Variants in FBXW7 observed in about 807,000 individuals in gnomAD.
The protein encoded by FBXW7 is F-box/WD repeat-containing protein 7.
FBXW7 carries 11 observed loss-of-function variants against 86.3 expected under a neutral mutation model. The ratio of observed to expected loss-of-function variants is 0.13; its 90% CI spans 0.08 to 0.21. The LOEUF (loss-of-function observed/expected upper bound fraction) is 0.21. FBXW7 is among the 10% of genes least tolerant of loss of function. The probability of loss-of-function intolerance (pLI) is 1.00; values close to 1 mark genes in which losing one functional copy is unlikely to be tolerated. For missense variants in FBXW7, 488 were observed against 847.4 expected, an observed-to-expected ratio of 0.58 and a Z score of 5.27; for synonymous variants, 313 against 297.9, an observed-to-expected ratio of 1.05 and a Z score of -0.52.
chr4:152,417,309 T>G (rs565997206), intron 2 of FBXW7, among the ~76,000 whole-genome samples: 3 of 152,180 alleles, frequency 2.0e-5, no homozygotes, highest in Non-Finnish European at 4.4e-5. Context: ...CCTATTATTT[T>G]CTCTATTTCA....
rs1227673998 is a variant in FBXW7 at position 152,324,254 on chromosome 4, G to A, written c.1785C>T (p.Val595=). ...TAACTGTAGAATCTGCATTCCCAGA[G>A]ACAAGAATATTGTCTTTGAGTTCCA... ...SGMELKDNIL[V]SGNADSTVKI... is the part of the protein sequence containing the mutation. The change falls in exon 13 of 14, where the codon GTC becomes GTT. Residue 595 remains valine (V), a synonymous_variant. Coordinates refer to ENST00000281708, the MANE Select transcript of FBXW7 (RefSeq NM_001349798.2). 4 of 1,613,096 alleles carry A rather than the reference G, an allele frequency of 2.5e-6. No homozygotes were observed. Among genetic ancestry groups the A allele is most frequent in the East Asian group, 4.5e-5 (2 of 44,812 alleles).
intron 2 of FBXW7, among the ~76,000 whole-genome samples, chr4:152,497,810 A>C (rs946583368): frequency 6.6e-6 from 1 of 152,228 alleles, no homozygotes; most frequent in Non-Finnish European, 1.5e-5. Flanking sequence ...CCTATGTACG[A>C]GCATTACAAT....
intron 4 of FBXW7, among the ~76,000 whole-genome samples, chr4:152,368,495 G>C (rs1733701748): frequency 6.6e-6 from 1 of 151,984 alleles, no homozygotes; most frequent in African/African-American, 2.4e-5. Context: ...CTAAAGAAAG[G>C]TCTAATTTTC....
Position 152,422,333 on chromosome 4 carries a change from G to A in FBXW7, c.-119-9804C>T, listed in dbSNP as rs1322427204. ...TGTGTTGTATTCCCAAATCTGTTGA[G>A]TTTCCCAAATTTATAAGCCATTATG... On this transcript the variant is annotated intron_variant, in intron 2 of 13. Coordinates refer to ENST00000281708, the MANE Select transcript of FBXW7 (RefSeq NM_001349798.2). Among the ~76,000 whole-genome samples, 5 of 152,262 alleles carry A rather than the reference G, an allele frequency of 3.3e-5. No individual in the cohort carries two copies. In the East Asian group the frequency reaches 9.7e-4, roughly 29 times the overall value.
chr4:152,352,491 T>C, intron 4 of FBXW7: 1 of 1,613,936 alleles, frequency 6.2e-7, no homozygotes, highest in East Asian at 2.2e-5. Context: ...TCATTTTTAA[T>C]GTGCCGTAGA....
intron 2 of FBXW7, among the ~76,000 whole-genome samples, chr4:152,474,413 T>C (rs925568802): frequency 2.6e-5 from 4 of 152,234 alleles, no homozygotes; most frequent in African/African-American, 4.8e-5. Context: ...GTAGAAAAGT[T>C]GTAGCCAGCC....
intron 12 of FBXW7, 99 bp from the exon 13 acceptor site, chr4:152,324,493 AG>A: frequency 1.1e-6 from 1 of 922,430 alleles, no homozygotes; most frequent in Non-Finnish European, 1.7e-6. Flanking sequence ...GATGGGAAAC[AG>A]GTAATGCCAG....
chr4:152,439,904 G>C (rs972258618), intron 2 of FBXW7, among the ~76,000 whole-genome samples: 1 of 150,102 alleles, frequency 6.7e-6, no homozygotes, highest in Admixed American at 6.6e-5. Context: ...GTCACCTCCT[G>C]CTTCATACAG....
At chr4:152,377,739 A>G (rs1380608621) in intron 4 of FBXW7, among the ~76,000 whole-genome samples, 1 of 149,688 alleles carries the variant, frequency 6.7e-6, no homozygotes, top group African/African-American at 2.5e-5. Context: ...TAGGTGACAG[A>G]GGAAGAGTCT....
chr4:152,376,674 G>A (rs1450276800), intron 4 of FBXW7, among the ~76,000 whole-genome samples: 4 of 152,042 alleles, frequency 2.6e-5, no homozygotes, highest in Non-Finnish European at 5.9e-5. Context: ...ATTGCTAAGA[G>A]GTCCTATGAG....
chr4:152,350,326 C>T (rs183977191), intron 4 of FBXW7, among the ~76,000 whole-genome samples: 2 of 151,440 alleles, frequency 1.3e-5, no homozygotes, highest in African/African-American at 4.8e-5. Flanking sequence ...AATTTTCCCC[C>T]CTAATATTTT....
rs540820638 is a variant in FBXW7, at chr4:152,326,319, G to C, written c.1419-88C>G. The C allele has an allele frequency of 7.0e-5, 50 of 717,432 alleles. No homozygotes were observed. In the African/African-American group the frequency reaches 8.2e-4, roughly 12 times the overall value. 44.4% of individuals were successfully genotyped at this position (717,432 alleles called of 1,614,324 possible). A position where few individuals can be genotyped will look rare whatever the true frequency, so the allele number is the denominator to read the frequency against. ...AATATGAGAAAACATGGTAGATTTA[G>C]TCAAGGTTTTTTAGCTTTTTTTTTT... On this transcript the variant is annotated intron_variant, in intron 11 of 13. Transcript: ENST00000281708.
intron 2 of FBXW7, among the ~76,000 whole-genome samples, chr4:152,425,791 C>A (rs567320589): frequency 1.3e-5 from 2 of 152,166 alleles, no homozygotes; most frequent in East Asian, 3.9e-4. Flanking sequence ...GTGCTGAAGG[C>A]AAGAAAATAA....
At chr4:152,377,702 T>C (rs531083919) in intron 4 of FBXW7, among the ~76,000 whole-genome samples, 75 of 150,752 alleles carry the variant, frequency 5.0e-4, no homozygotes, top group African/African-American at 1.7e-3. Context: ...AAGGAGAAGG[T>C]TGCAGTAAGC....
At position 152,382,224 on chromosome 4, in the gene FBXW7, T is replaced by C. The variant is rs1249294895; in HGVS notation, c.501+29079A>G. 3 of 1,582,478 alleles carry C rather than the reference T, an allele frequency of 1.9e-6. No individual in the cohort carries two copies. In the South Asian group the frequency reaches 3.5e-5, roughly 19 times the overall value. On this transcript the variant is annotated intron_variant, in intron 4 of 13. Coordinates refer to ENST00000281708, the MANE Select transcript of FBXW7 (RefSeq NM_001349798.2). ...CAAAAAGGGAGGCCTTGGGCAATGA[T>C]GCTAATGCTAAATATCTTCATCACA...
At chr4:152,346,437 T>C (rs1731271834) in intron 6 of FBXW7, among the ~76,000 whole-genome samples, 1 of 152,192 alleles carries the variant, frequency 6.6e-6, no homozygotes, top group Admixed American at 6.5e-5. Context: ...AAAATGTCAG[T>C]GCACAGTTAC....
chr4:152,417,036 GT>G (rs1302342279), intron 2 of FBXW7, among the ~76,000 whole-genome samples: 1 of 151,968 alleles, frequency 6.6e-6, no homozygotes, highest in Non-Finnish European at 1.5e-5. Context: ...ACATTCCTCA[GT>G]GCATCCCTCA....
chr4:152,513,556 T>C (rs1279359303), intron 2 of FBXW7, among the ~76,000 whole-genome samples: 1 of 152,208 alleles, frequency 6.6e-6, no homozygotes, highest in African/African-American at 2.4e-5. Flanking sequence ...AAAAGAAATC[T>C]ATTTTCTCTT....
At chr4:152,402,086 C>T (rs980620760) in intron 4 of FBXW7, among the ~76,000 whole-genome samples, 3 of 152,022 alleles carry the variant, frequency 2.0e-5, no homozygotes, top group African/African-American at 7.3e-5. Context: ...GGGGAAATTC[C>T]CTTTGAGGGG....
Sources: allele counts gnomAD v4.1 joint callset (sites outside exome capture counted in the v4.1 genomes callset), GRCh38; gene constraint gnomAD v4.1.1; transcripts MANE v1.5; gene names NCBI Gene and HGNC (gene_info 2026-07-23, HGNC 2026-07-21).